IDO2: variants seen among roughly 807,000 people sequenced by gnomAD.
IDO2 encodes indoleamine 2,3-dioxygenase-like 1 protein.
Under a neutral mutation model 45.1 loss-of-function variants are expected in IDO2, and 46 were observed. The ratio of observed to expected loss-of-function variants is 1.02; its 90% CI spans 0.80 to 1.30. The LOEUF is 1.30. Among genes scored for constraint, IDO2 ranks in the 50% most tolerant of loss-of-function variants. The probability of loss-of-function intolerance (pLI) is 0.00; values close to 1 mark genes in which losing one functional copy is unlikely to be tolerated. For synonymous variants in IDO2, 218 were observed against 184.9 expected (o/e 1.18, Z -1.45); for missense variants, 544 against 491.8 (o/e 1.11, Z -1.00).
Position 40,010,041 on chromosome 8 carries a change from T to G in IDO2, c.720-3524T>G, listed in dbSNP as rs966683875. On this transcript the variant is annotated intron_variant, in intron 9 of 10. Transcript: ENST00000502986. ...GGAGCTTACATTTCAATGCGGTGGG[T>G]GGGGGGATGGACAATTAATACACAA... Among the ~76,000 whole-genome samples, 154 of 72,766 alleles carry G rather than the reference T, an allele frequency of 2.1e-3. 2 individuals are homozygous for G. Among genetic ancestry groups the G allele is most frequent in the African/African-American group, 8.5e-3 (149 of 17,624 alleles). The allele number at this position is 72,766 out of a possible 152,430, so 47.7% of individuals were successfully genotyped here.
chr8:40,013,973 T>C (rs1034892912), intron 10 of IDO2, among the ~76,000 whole-genome samples: 1 of 152,186 alleles, frequency 6.6e-6, no homozygotes, highest in African/African-American at 2.4e-5. Flanking sequence ...ACTATCACTT[T>C]GGTTTGGATC....
At chr8:39,975,061 A>G (rs766765859) in intron 3 of IDO2, among the ~76,000 whole-genome samples, 1 of 152,018 alleles carries the variant, frequency 6.6e-6, no homozygotes, top group Non-Finnish European at 1.5e-5. Flanking sequence ...GTGAGCCGAG[A>G]TCGTGCCATC....
At chr8:39,994,570 A>G (rs2129594944) in intron 8 of IDO2, among the ~76,000 whole-genome samples, 1 of 152,032 alleles carries the variant, frequency 6.6e-6, no homozygotes, top group African/African-American at 2.4e-5. Context: ...TTATTTTTTA[A>G]ATAGGGTTAG....
intron 2 of IDO2, among the ~76,000 whole-genome samples, chr8:39,951,311 T>C (rs1807812002): frequency 6.8e-6 from 1 of 147,316 alleles, no homozygotes; most frequent in South Asian, 2.2e-4. Context: ...AATCTCTTTC[T>C]ATCGCCCAGG....
chr8:39,950,122 C>T (rs1197028698), intron 2 of IDO2, among the ~76,000 whole-genome samples: 1 of 152,118 alleles, frequency 6.6e-6, no homozygotes, highest in Non-Finnish European at 1.5e-5. Context: ...TGCTGAAAGT[C>T]ATGAGTGGCA....
Position 40,014,285 on chromosome 8 carries a change from G to A in IDO2, c.868+572G>A, listed in dbSNP as rs75584511. On this transcript the variant is annotated intron_variant, in intron 10 of 10. Coordinates refer to ENST00000502986, the Ensembl canonical transcript of IDO2. Reference sequence around the variant, plus strand: ...AAAAGAATCACCAGAACTTAGTGTCGTAGATTCAAGTCACTTCTCTAAAAC... The same window carrying A: ...AAAAGAATCACCAGAACTTAGTGTCATAGATTCAAGTCACTTCTCTAAAAC... Among the ~76,000 whole-genome samples, 217 of 152,306 alleles carry A rather than the reference G, an allele frequency of 1.4e-3. 1 individual carries two copies. Among genetic ancestry groups the A allele is most frequent in the African/African-American group, 5.0e-3 (208 of 41,580 alleles).
intron 1 of IDO2, 105 bp from the exon 2 acceptor site, chr8:39,949,044 T>C (rs982902801): frequency 1.4e-6 from 2 of 1,446,396 alleles, no homozygotes; most frequent in Admixed American, 2.5e-5. Flanking sequence ...GGAAAAGTTC[T>C]CTCCTGTGCC....
At position 39,992,257 on chromosome 8, in the gene IDO2, C is replaced by T. The variant is rs1801949632; in HGVS notation, c.667+2419C>T. 2.0e-5 allele frequency among the ~76,000 whole-genome samples: 3 copies of T among 152,312 alleles called. No individual in the cohort carries two copies. In the Middle Eastern group the frequency reaches 0.01, roughly 518 times the overall value. On this transcript the variant is annotated intron_variant, in intron 8 of 10. Transcript: ENST00000502986. Reference sequence around the variant, plus strand: ...CTAGAAGAGGTGATGCAGGTTTAACCTTGTGTCCTGAGCCACTAGGTAAAA... The same window carrying T: ...CTAGAAGAGGTGATGCAGGTTTAACTTTGTGTCCTGAGCCACTAGGTAAAA...
chr8:39,988,190 A>T (rs184966393), intron 7 of IDO2, among the ~76,000 whole-genome samples: 1 of 152,318 alleles, frequency 6.6e-6, no homozygotes, highest in East Asian at 1.9e-4. Context: ...CCATTCAACA[A>T]ACAGGCATTG....
chr8:40,016,192 A>G (rs900521344), exon 11 of IDO2: 2 of 397,740 alleles, frequency 5.0e-6, no homozygotes, highest in East Asian at 3.6e-5. Context: ...ATGGGAACGG[A>G]TGAGACTTTC....
At chr8:40,010,179 CT>C (rs1423478751) in intron 9 of IDO2, among the ~76,000 whole-genome samples, 3 of 152,132 alleles carry the variant, frequency 2.0e-5, no homozygotes, top group Admixed American at 2.0e-4. Context: ...CCAAATTTTC[CT>C]GTTTATTGTG....
At chr8:39,957,022 G>GCA (rs1807913976) in intron 2 of IDO2, among the ~76,000 whole-genome samples, 1 of 109,438 alleles carries the variant, frequency 9.1e-6, no homozygotes. Flanking sequence ...TAGCCTGGAT[G>GCA]ACAGAGTGAG....
chr8:40,005,484 T>C (rs971492108), intron 9 of IDO2, 106 bp downstream of exon 9: 2 of 622,356 alleles, frequency 3.2e-6, no homozygotes, highest in African/African-American at 1.8e-5. Flanking sequence ...ACATACCAAG[T>C]GACTCTTGCT....
chr8:39,950,652 C>T (rs1364524717), intron 2 of IDO2, among the ~76,000 whole-genome samples: 2 of 152,200 alleles, frequency 1.3e-5, no homozygotes, highest in East Asian at 1.9e-4. Context: ...TATAACCTGA[C>T]GCATCTACCC....
intron 3 of IDO2, among the ~76,000 whole-genome samples, chr8:39,965,378 T>G (rs567400446): frequency 3.9e-4 from 60 of 152,100 alleles, no homozygotes; most frequent in Non-Finnish European, 6.9e-4. Flanking sequence ...TCCCAGCTAT[T>G]TGGGAGGCTG....
intron 1 of IDO2, among the ~76,000 whole-genome samples, chr8:39,944,460 C>G (rs1032264460): frequency 6.6e-6 from 1 of 152,108 alleles, no homozygotes; most frequent in Non-Finnish European, 1.5e-5. Context: ...TCTCCCTTAG[C>G]TAAGAGAGCC....
chr8:40,015,659 G>T, exon 11 of IDO2: 4 of 1,308,092 alleles, frequency 3.1e-6, no homozygotes, highest in Non-Finnish European at 4.3e-6. Flanking sequence ...TGGGCCTGGA[G>T]AATGAGGGTC....
At chr8:39,975,171 GT>G (rs57302611) in intron 3 of IDO2, among the ~76,000 whole-genome samples, 100,927 of 133,116 alleles carry the variant, frequency 0.76, 37,128 homozygotes, top group Admixed American at 0.82. Context: ...TTTTTTTTTT[GT>G]TTTTTTTTTT....
rs1214898090 is a variant in IDO2 at position 40,004,044 on chromosome 8, G to T, written c.668-1283G>T. 7.9e-5 allele frequency among the ~76,000 whole-genome samples: 12 copies of T among 152,102 alleles called. No individual in the cohort carries two copies. The East Asian group carries it at 2.3e-3, about 29-fold the overall frequency. The stretch of plus-strand genomic sequence containing the variant: ...CACTTTTCCTTCTTTAATATGTTAA[G>T]TTGGGCAAAATATTAAAGTATCACC... On this transcript the variant is annotated intron_variant, in intron 8 of 10. Coordinates refer to ENST00000502986, the Ensembl canonical transcript of IDO2.
Sources: allele counts gnomAD v4.1 joint callset (sites outside exome capture counted in the v4.1 genomes callset), GRCh38; gene constraint gnomAD v4.1.1; transcripts MANE v1.5; gene names NCBI Gene and HGNC (gene_info 2026-07-23, HGNC 2026-07-21).